ARHGAP8: variants seen among roughly 807,000 people sequenced by gnomAD.
ARHGAP8 encodes rho GTPase-activating protein 8.
A neutral mutation model predicts 46.1 loss-of-function variants in ARHGAP8; 62 were observed. That is an observed-to-expected ratio of 1.34 (90% CI 1.10 to 1.66). ARHGAP8 has a LOEUF of 1.66. Ranked by LOEUF, ARHGAP8 falls within the 40% of genes most tolerant of loss-of-function variation. ARHGAP8 has a pLI of 0.00. For missense variants in ARHGAP8, 923 were observed against 568.4 expected (o/e 1.62, Z -6.34); for synonymous variants, 375 against 243.1 (o/e 1.54, Z -5.05).
At chr22:44,830,133 C>T (rs1386139071) in intron 7 of ARHGAP8, among the ~76,000 whole-genome samples, 1 of 151,478 alleles carries the variant, frequency 6.6e-6, no homozygotes, top group African/African-American at 2.4e-5. Context: ...AAGCAATTCT[C>T]CTGTCTCAGC....
Position 44,862,776 on chromosome 22 carries a change from A to C in ARHGAP8, c.*181A>C. The C allele has an allele frequency of 1.4e-6, 1 of 709,594 alleles. No homozygotes were observed. The highest frequency in any genetic ancestry group is 2.2e-6 in the Non-Finnish European group (1 of 463,432). The allele number at this position is 709,594 out of a possible 1,614,324, so 44.0% of individuals were successfully genotyped here. Reference sequence around the variant, plus strand: ...CATGGTTCCTGAGCTGTGGACCGGGATAGAATAATGCATTTGTTAGGATGG... The same window carrying C: ...CATGGTTCCTGAGCTGTGGACCGGGCTAGAATAATGCATTTGTTAGGATGG... On this transcript the variant is annotated 3_prime_UTR_variant, in exon 12 of 12. Transcript: ENST00000356099.
intron 2 of ARHGAP8, among the ~76,000 whole-genome samples, 190 bp downstream of exon 2, chr22:44,786,796 C>G (rs1028140140): frequency 3.3e-5 from 5 of 152,130 alleles, no homozygotes; most frequent in Non-Finnish European, 7.4e-5. Context: ...GGGCAGATTG[C>G]TTCAGCCCAC....
intron 1 of ARHGAP8, among the ~76,000 whole-genome samples, chr22:44,762,314 T>A (rs1925188137): frequency 6.6e-6 from 1 of 151,964 alleles, no homozygotes; most frequent in South Asian, 2.1e-4. Flanking sequence ...TGTGCACCTG[T>A]AGTCTCAGCT....
chr22:44,767,719 A>C (rs938254725), intron 1 of ARHGAP8, among the ~76,000 whole-genome samples: 1 of 151,614 alleles, frequency 6.6e-6, no homozygotes, highest in African/African-American at 2.4e-5. Flanking sequence ...CTAAAAATAA[A>C]AAAATTAGCC....
At chr22:44,752,976 C>T (rs1924365818) in intron 1 of ARHGAP8, among the ~76,000 whole-genome samples, 1 of 151,988 alleles carries the variant, frequency 6.6e-6, no homozygotes, top group South Asian at 2.1e-4. Context: ...TCTGGCCGGA[C>T]GGTGTCAGCT....
intron 2 of ARHGAP8, among the ~76,000 whole-genome samples, chr22:44,791,161 C>T (rs969712733): frequency 1.4e-5 from 2 of 143,836 alleles, no homozygotes; most frequent in East Asian, 4.2e-4. Flanking sequence ...AGAGGACCTG[C>T]CAGGGTTTAG....
At chr22:44,833,880 ATTGT>A (rs1361306474) in intron 7 of ARHGAP8, among the ~76,000 whole-genome samples, 21 of 151,884 alleles carry the variant, frequency 1.4e-4, no homozygotes, top group East Asian at 9.6e-4. Flanking sequence ...GTCCATTTTG[ATTGT>A]TTGTGTCTTT....
chr22:44,763,682 G>C (rs1441971929), intron 1 of ARHGAP8, among the ~76,000 whole-genome samples: 1 of 152,012 alleles, frequency 6.6e-6, no homozygotes, highest in Non-Finnish European at 1.5e-5. Context: ...AGTGCAAATG[G>C]AGGCAAATTC....
At position 44,781,527 on chromosome 22, in the gene ARHGAP8, GTTTA is replaced by G. The variant is rs1301775715; in HGVS notation, c.-71-4922_-71-4919del. Among the ~76,000 whole-genome samples the G allele has an allele frequency of 4.6e-5, 7 of 151,898 alleles. No individual in the cohort carries two copies. The East Asian group carries it at 5.8e-4, about 13-fold the overall frequency. On this transcript the variant is annotated intron_variant, in intron 1 of 11. Coordinates refer to ENST00000356099, the MANE Select transcript of ARHGAP8 (RefSeq NM_181335.3). Reference sequence around the variant, plus strand: ...TATTATATTATTTTATTTTTTAAATGTTTATTTATTTTTGAGACAGAGTTTCACT... The same window carrying G: ...TATTATATTATTTTATTTTTTAAATGTTTATTTTTGAGACAGAGTTTCACT...
At chr22:44,762,700 C>A (rs1221449995) in intron 1 of ARHGAP8, among the ~76,000 whole-genome samples, 1 of 152,000 alleles carries the variant, frequency 6.6e-6, no homozygotes, top group Non-Finnish European at 1.5e-5. Flanking sequence ...CCCACCACCC[C>A]TCCTGGCTAA....
intron 11 of ARHGAP8, 131 bp downstream of exon 11, chr22:44,859,965 C>A: frequency 9.1e-7 from 1 of 1,100,674 alleles, no homozygotes; most frequent in Non-Finnish European, 1.3e-6. Context: ...AATACCACTC[C>A]CTGCCCCCCA....
rs374314694 is a variant in ARHGAP8, at chr22:44,802,493, G to A, written c.167+329G>A. ...GAACCTTGCAGATGACACGGCTGCCGAGCGCCAGGCCTCCCCCACGCACTG... is the reference window on the plus strand; with the variant it reads ...GAACCTTGCAGATGACACGGCTGCCAAGCGCCAGGCCTCCCCCACGCACTG... On this transcript the variant is annotated intron_variant, in intron 3 of 11. Coordinates refer to ENST00000356099, the MANE Select transcript of ARHGAP8 (RefSeq NM_181335.3). Among the ~76,000 whole-genome samples the A allele has an allele frequency of 7.0e-4, 107 of 152,298 alleles. No individual in the cohort carries two copies. In the South Asian group the frequency reaches 0.02, roughly 29 times the overall value.
chr22:44,836,179 C>T (rs1291729646), intron 7 of ARHGAP8, among the ~76,000 whole-genome samples: 1 of 152,126 alleles, frequency 6.6e-6, no homozygotes, highest in Non-Finnish European at 1.5e-5. Context: ...ACGACAGCTC[C>T]ACCTCATACC....
intron 11 of ARHGAP8, among the ~76,000 whole-genome samples, chr22:44,860,385 C>CA (rs1444893433): frequency 6.6e-6 from 1 of 152,140 alleles, no homozygotes; most frequent in African/African-American, 2.4e-5. Flanking sequence ...TGGCCTCTCC[C>CA]AGCTCCTGGT....
intron 7 of ARHGAP8, among the ~76,000 whole-genome samples, chr22:44,837,964 G>A (rs529339756): frequency 6.6e-6 from 1 of 152,036 alleles, no homozygotes; most frequent in Non-Finnish European, 1.5e-5. Flanking sequence ...TGCTCTGAGA[G>A]TCTTTTATTT....
chr22:44,795,986 C>T lies in ARHGAP8; in HGVS notation c.80-6091C>T, dbSNP rs371764825. ...CCCTACTCCTTTCCATGTCTGCAGC[C>T]TCCACTGGCCTTGCTGTAGGCTGTC... On this transcript the variant is annotated intron_variant, in intron 2 of 11. Coordinates refer to ENST00000356099, the MANE Select transcript of ARHGAP8 (RefSeq NM_181335.3). Among the ~76,000 whole-genome samples the T allele has an allele frequency of 3.6e-3, 552 of 152,324 alleles. 7 individuals are homozygous for T. The highest frequency in any genetic ancestry group is 0.013 in the African/African-American group (535 of 41,576).
intron 10 of ARHGAP8, chr22:44,849,861 C>T (rs1286194313): frequency 6.6e-6 from 1 of 152,184 alleles, no homozygotes; most frequent in East Asian, 1.9e-4. Flanking sequence ...CAAAGGGCAG[C>T]CTGGCCTTTG....
chr22:44,857,496 C>G (rs9626583), intron 10 of ARHGAP8, among the ~76,000 whole-genome samples: 34,105 of 152,160 alleles, frequency 0.22, 4,510 homozygotes, highest in Admixed American at 0.27. Flanking sequence ...ACATGGGTAC[C>G]TTCGTAAGGA....
intron 2 of ARHGAP8, among the ~76,000 whole-genome samples, chr22:44,796,996 T>C (rs1173017110): frequency 6.6e-6 from 1 of 152,134 alleles, no homozygotes; most frequent in Non-Finnish European, 1.5e-5. Flanking sequence ...GCTCCCACGG[T>C]TCTTGTGGGG....
Sources: allele counts gnomAD v4.1 joint callset (sites outside exome capture counted in the v4.1 genomes callset), GRCh38; gene constraint gnomAD v4.1.1; transcripts MANE v1.5; gene names NCBI Gene and HGNC (gene_info 2026-07-23, HGNC 2026-07-21).